SUGCT: variants seen among roughly 807,000 people sequenced by gnomAD.
SUGCT encodes the protein succinyl-CoA:glutarate CoA-transferase.
SUGCT carries 41 observed loss-of-function variants against 55.0 expected under a neutral mutation model. The observed-to-expected ratio is 0.74, with a 90% confidence interval of 0.58 to 0.97. SUGCT has a LOEUF of 0.97. Ranked by LOEUF, SUGCT falls within the 50% of genes least tolerant of loss-of-function variation. SUGCT has a pLI of 0.00. For synonymous variants in SUGCT, 187 were observed against 200.4 expected (o/e 0.93, Z 0.56); for missense variants, 568 against 547.8 (o/e 1.04, Z -0.37).
chr7:40,694,998 T>C (rs999660285), intron 12 of SUGCT, among the ~76,000 whole-genome samples: 1 of 152,082 alleles, frequency 6.6e-6, no homozygotes, highest in African/African-American at 2.4e-5. Flanking sequence ...CCCCTTTGTT[T>C]TATGATGTAA....
chr7:40,709,363 A>G (rs941469587), intron 12 of SUGCT, among the ~76,000 whole-genome samples: 2 of 152,212 alleles, frequency 1.3e-5, no homozygotes, highest in African/African-American at 2.4e-5. Context: ...TGTGCACAGG[A>G]TTTAATGAGG....
intron 13 of SUGCT, among the ~76,000 whole-genome samples, chr7:40,789,764 A>G (rs1030356402): frequency 1.3e-5 from 2 of 152,162 alleles, no homozygotes; most frequent in African/African-American, 4.8e-5. Flanking sequence ...TAAAATGTAG[A>G]CTTTTATTGT....
intron 6 of SUGCT, among the ~76,000 whole-genome samples, chr7:40,197,256 G>T (rs1022299043): frequency 1.3e-5 from 2 of 151,858 alleles, no homozygotes; most frequent in Non-Finnish European, 2.9e-5. Context: ...TCATTTTTCT[G>T]TCTAAACAAT....
At chr7:40,207,030 C>T (rs757725489) in intron 6 of SUGCT, among the ~76,000 whole-genome samples, 7 of 151,826 alleles carry the variant, frequency 4.6e-5, no homozygotes, top group Non-Finnish European at 1.0e-4. Context: ...GAGACTCTGA[C>T]TCTATAAAAA....
chr7:40,641,528 T>A (rs1800269039), intron 12 of SUGCT, among the ~76,000 whole-genome samples: 4 of 152,202 alleles, frequency 2.6e-5, no homozygotes, highest in Admixed American at 2.6e-4. Context: ...TGGCTGGTTC[T>A]GTTACCCTAA....
At chr7:40,756,028 T>G (rs990259485) in intron 13 of SUGCT, among the ~76,000 whole-genome samples, 7 of 152,324 alleles carry the variant, frequency 4.6e-5, no homozygotes, top group African/African-American at 1.7e-4. Flanking sequence ...AATCAAATTA[T>G]TAGAATATTG....
the SUGCT span, among the ~76,000 whole-genome samples, chr7:40,930,306 C>T: frequency 2.3e-4 from 35 of 152,164 alleles, no homozygotes; most frequent in African/African-American, 8.2e-4. Flanking sequence ...CAGTACCATG[C>T]TGTTTTGGTT....
At chr7:40,364,060 A>G (rs1783792558) in intron 9 of SUGCT, among the ~76,000 whole-genome samples, 1 of 150,176 alleles carries the variant, frequency 6.7e-6, no homozygotes. Context: ...TCCCTTTACC[A>G]TTATGTAATG....
intron 9 of SUGCT, among the ~76,000 whole-genome samples, chr7:40,441,258 A>T (rs1159600212): frequency 6.6e-6 from 1 of 152,142 alleles, no homozygotes; most frequent in East Asian, 1.9e-4. Flanking sequence ...AAATTATGTA[A>T]ATTGTCTAAT....
Position 40,180,946 on chromosome 7 carries a change from G to C in SUGCT, c.101-1G>C. 6.2e-7 allele frequency: 1 copy of C among 1,604,166 alleles called. No homozygotes were observed. The highest frequency in any genetic ancestry group is 1.1e-5 in the South Asian group (1 of 90,482). Reference sequence around the variant, plus strand: ...TTGAAATGTTTTCTCTGTTTTGCCAGATATGAACAATATAAAGCCATTGGA... The same window carrying C: ...TTGAAATGTTTTCTCTGTTTTGCCACATATGAACAATATAAAGCCATTGGA... On this transcript the variant is annotated splice_acceptor_variant, in intron 1 of 13. Coordinates refer to ENST00000335693, the MANE Select transcript of SUGCT (RefSeq NM_001193313.2). LOFTEE classifies it high-confidence loss of function.
intron 1 of SUGCT, among the ~76,000 whole-genome samples, chr7:40,158,284 C>T (rs1392796148): frequency 1.3e-5 from 2 of 152,130 alleles, no homozygotes; most frequent in Admixed American, 1.3e-4. Flanking sequence ...ATATTTACTT[C>T]TTTGTAGACT....
the SUGCT span, among the ~76,000 whole-genome samples, chr7:40,948,219 C>A: frequency 6.6e-6 from 1 of 152,122 alleles, no homozygotes; most frequent in Admixed American, 6.6e-5. Context: ...TATAGCCATG[C>A]CATTCCTTCT....
chr7:40,335,556 T>A (rs1796637093), intron 9 of SUGCT, among the ~76,000 whole-genome samples: 1 of 152,122 alleles, frequency 6.6e-6, no homozygotes, highest in Non-Finnish European at 1.5e-5. Context: ...GTTTGTCTGT[T>A]ATTGGTGTAT....
chr7:40,458,702 G>A (rs983696778), intron 10 of SUGCT, among the ~76,000 whole-genome samples: 1 of 152,114 alleles, frequency 6.6e-6, no homozygotes, highest in African/African-American at 2.4e-5. Context: ...ATGTAGATAT[G>A]CACTTAGGAT....
At position 40,489,455 on chromosome 7, in the gene SUGCT, A is replaced by G. The variant is rs140738045; in HGVS notation, c.987-6829A>G. ...CAGAACTTTGGGAGGCCGAGGCAGG[A>G]GGATCACCTGAGGTCAAGAGATAGA... is the stretch of plus-strand genomic sequence containing the variant. On this transcript the variant is annotated intron_variant, in intron 11 of 13. Transcript: ENST00000335693. 3.1e-3 allele frequency among the ~76,000 whole-genome samples: 476 copies of G among 152,168 alleles called. 10 individuals carry two copies. Among genetic ancestry groups the G allele is most frequent in the East Asian group, 0.026 (134 of 5,172 alleles).
chr7:40,235,582 C>G (rs1374209982), intron 6 of SUGCT, among the ~76,000 whole-genome samples: 1 of 152,212 alleles, frequency 6.6e-6, no homozygotes, highest in Non-Finnish European at 1.5e-5. Flanking sequence ...CTGCATTGAT[C>G]TCTCAAAGTG....
At chr7:40,247,406 C>A (rs541502409) in intron 7 of SUGCT, among the ~76,000 whole-genome samples, 1 of 152,232 alleles carries the variant, frequency 6.6e-6, no homozygotes, top group South Asian at 2.1e-4. Flanking sequence ...CAGGCACCCA[C>A]CACCATGACC....
intron 9 of SUGCT, among the ~76,000 whole-genome samples, chr7:40,326,801 T>TAA (rs1796047876): frequency 6.6e-6 from 1 of 152,090 alleles, no homozygotes; most frequent in South Asian, 2.1e-4. Context: ...TTTTCAGGAG[T>TAA]AATCTCTGAG....
chr7:40,706,272 C>T (rs138461504), intron 12 of SUGCT, among the ~76,000 whole-genome samples: 3,422 of 152,142 alleles, frequency 0.022, 131 homozygotes, highest in African/African-American at 0.078. Flanking sequence ...TTTGGGAGGC[C>T]GAGGCAGGTG....
Sources: gnomAD v4.1 joint callset for allele counts (sites outside exome capture counted in the v4.1 genomes callset) on GRCh38, gnomAD v4.1.1 for gene constraint, MANE v1.5 for transcripts, NCBI Gene and HGNC (gene_info 2026-07-23, HGNC 2026-07-21) for gene names.